The following CLRN2 variants were observed in gnomAD, a reference collection of about 807,000 sequenced individuals.
The protein encoded by CLRN2 is clarin 2, also known as clarin-2.
A neutral mutation model predicts 20.1 loss-of-function variants in CLRN2; 17 were observed. That is an observed-to-expected ratio of 0.85 (90% CI 0.58 to 1.27). The LOEUF (loss-of-function observed/expected upper bound fraction) is 1.27. Ranked by LOEUF, CLRN2 falls within the 50% of genes most tolerant of loss-of-function variation. The pLI is 0.00. For missense variants in CLRN2, 288 were observed against 299.5 expected (o/e 0.96, Z 0.28); for synonymous variants, 140 against 126.9 (o/e 1.10, Z -0.70).
chr4:17,523,563 G>C (rs1004742587), intron 2 of CLRN2, among the ~76,000 whole-genome samples: 1 of 151,876 alleles, frequency 6.6e-6, no homozygotes, highest in Non-Finnish European at 1.5e-5. Flanking sequence ...TGAGGGCTTA[G>C]AGCAGTGAAG....
intron 2 of CLRN2, among the ~76,000 whole-genome samples, chr4:17,523,755 G>A (rs1711893503): frequency 6.7e-6 from 1 of 148,296 alleles, no homozygotes; most frequent in South Asian, 2.2e-4. Flanking sequence ...CTCCATTCAG[G>A]CTCTGGGTTG....
chr4:17,516,002 C>A (rs1711662346), intron 1 of CLRN2, among the ~76,000 whole-genome samples: 1 of 152,214 alleles, frequency 6.6e-6, no homozygotes, highest in South Asian at 2.1e-4. Flanking sequence ...ATGACCACAA[C>A]AAGTGGGTGG....
intron 1 of CLRN2, among the ~76,000 whole-genome samples, chr4:17,515,881 G>A (rs145663163): frequency 1.2e-3 from 180 of 152,276 alleles, no homozygotes; most frequent in Non-Finnish European, 1.8e-3. Flanking sequence ...AGAAGGAATT[G>A]TTAATGTTCC....
chr4:17,517,110 CAA>C (rs1711698033), intron 1 of CLRN2, among the ~76,000 whole-genome samples: 1 of 152,148 alleles, frequency 6.6e-6, no homozygotes, highest in Admixed American at 6.6e-5. Flanking sequence ...TGAGCTGGGA[CAA>C]AGTCTGTTGA....
At chr4:17,522,721 A>G in intron 1 of CLRN2, 143 bp from the exon 2 acceptor site, 1 of 757,410 alleles carries the variant, frequency 1.3e-6, no homozygotes, top group Non-Finnish European at 2.1e-6. Flanking sequence ...CATCTCAGAA[A>G]GTCTCCCGCT....
intron 2 of CLRN2, among the ~76,000 whole-genome samples, chr4:17,525,446 G>A (rs1711949601): frequency 6.6e-6 from 1 of 152,056 alleles, no homozygotes; most frequent in Admixed American, 6.6e-5. Context: ...GACCAGCCTG[G>A]GCAACATAGT....
chr4:17,523,006 C>T lies in CLRN2; in HGVS notation c.396C>T (p.Ser132=), dbSNP rs199648746. Residue 132 remains serine, a synonymous_variant, in exon 2 of 3, where the codon AGC becomes AGT. Coordinates refer to ENST00000511148, the MANE Select transcript of CLRN2 (RefSeq NM_001079827.2). ...TCCAGGTCCCGTACCGGGCAGTCAGCGGTCCTGGGGGCATCTGCCTATGGA... is the reference window on the plus strand; with the variant it reads ...TCCAGGTCCCGTACCGGGCAGTCAGTGGTCCTGGGGGCATCTGCCTATGGA... ...NMIQVPYRAV[S]GPGGICLWNV... The T allele has an allele frequency of 1.1e-4, 175 of 1,613,406 alleles. No homozygotes were observed. The highest frequency in any genetic ancestry group is 1.4e-4 in the Non-Finnish European group (166 of 1,179,780).
At chr4:17,520,061 A>G (rs1021629677) in intron 1 of CLRN2, among the ~76,000 whole-genome samples, 6 of 152,106 alleles carry the variant, frequency 3.9e-5, no homozygotes, top group African/African-American at 1.4e-4. Context: ...TCTATTAAAC[A>G]TGAGGTCCTG....
intron 2 of CLRN2, among the ~76,000 whole-genome samples, 170 bp downstream of exon 2, chr4:17,523,213 CTT>C (rs113987711): frequency 9.0e-4 from 127 of 141,304 alleles, no homozygotes; most frequent in South Asian, 1.6e-3. Flanking sequence ...TTTTCTTTTT[CTT>C]TTTTTTTTTT....
intron 1 of CLRN2, among the ~76,000 whole-genome samples, chr4:17,518,577 A>G (rs923996404): frequency 1.3e-5 from 2 of 152,170 alleles, no homozygotes; most frequent in Non-Finnish European, 2.9e-5. Context: ...CCTGGCCAAC[A>G]TGGTGAAACC....
intron 2 of CLRN2, 27 bp downstream of exon 2, chr4:17,523,070 T>C: frequency 1.3e-6 from 2 of 1,582,488 alleles, no homozygotes; most frequent in Middle Eastern, 2.2e-4. Context: ...GGAGAGAAAA[T>C]TATGTCCACA....
chr4:17,523,066 A>C, intron 2 of CLRN2, 23 bp downstream of exon 2: 4 of 1,588,944 alleles, frequency 2.5e-6, no homozygotes, highest in Non-Finnish European at 3.4e-6. Flanking sequence ...TTAGGGAGAG[A>C]AAATTATGTC....
At chr4:17,525,315 T>C (rs1307639194) in intron 2 of CLRN2, among the ~76,000 whole-genome samples, 1 of 152,150 alleles carries the variant, frequency 6.6e-6, no homozygotes, top group Non-Finnish European at 1.5e-5. Flanking sequence ...TAGTGTGTAG[T>C]GCATAAAATA....
chr4:17,523,658 G>A (rs1219642472), intron 2 of CLRN2, among the ~76,000 whole-genome samples: 1 of 151,610 alleles, frequency 6.6e-6, no homozygotes, highest in Non-Finnish European at 1.5e-5. Flanking sequence ...AAGAGATGGA[G>A]CTGGTGCTGC....
chr4:17,523,390 A>AT (rs909729147), intron 2 of CLRN2, among the ~76,000 whole-genome samples: 3 of 151,438 alleles, frequency 2.0e-5, no homozygotes, highest in African/African-American at 7.3e-5. Context: ...AATTTTTTGT[A>AT]TTTTTTATAG....
chr4:17,519,002 T>G (rs781577091), intron 1 of CLRN2, among the ~76,000 whole-genome samples: 4 of 152,242 alleles, frequency 2.6e-5, no homozygotes, highest in Non-Finnish European at 4.4e-5. Flanking sequence ...TGTAATAGAT[T>G]GCTTTGCAGC....
intron 1 of CLRN2, among the ~76,000 whole-genome samples, chr4:17,519,459 C>T (rs541655920): frequency 4.4e-4 from 67 of 152,160 alleles, no homozygotes; most frequent in Non-Finnish European, 7.6e-4. Flanking sequence ...GCTGTGGGAG[C>T]GTAGCTAAGC....
chr4:17,518,025 C>T (rs4698189), intron 1 of CLRN2, among the ~76,000 whole-genome samples: 33,239 of 151,002 alleles, frequency 0.22, 4,459 homozygotes, highest in East Asian at 0.47. Flanking sequence ...TCTGTTTCTC[C>T]TGGGGTCTCT....
chr4:17,522,768 CCT>C (rs1314540190), intron 1 of CLRN2, 94 bp from the exon 2 acceptor site: 1 of 1,341,578 alleles, frequency 7.5e-7, no homozygotes, highest in Admixed American at 1.9e-5. Flanking sequence ...TGCCCTCACC[CCT>C]GTCTGTCGAA....
Sources: allele counts gnomAD v4.1 joint callset (sites outside exome capture counted in the v4.1 genomes callset), GRCh38; gene constraint gnomAD v4.1.1; transcripts MANE v1.5; gene names NCBI Gene and HGNC (gene_info 2026-07-23, HGNC 2026-07-21).